Variants in ATXN7L1 observed in about 807,000 individuals in gnomAD.
ATXN7L1 encodes ataxin 7 like 1.
ATXN7L1 carries 15 observed loss-of-function variants against 70.8 expected under a neutral mutation model. The observed-to-expected ratio is 0.21, with a 90% CI of 0.14 to 0.33. The LOEUF (loss-of-function observed/expected upper bound fraction) is 0.33. Among genes scored for constraint, ATXN7L1 ranks in the 10% least tolerant of loss-of-function variants. ATXN7L1 has a pLI of 1.00. For synonymous variants in ATXN7L1, 440 were observed against 445.1 expected (o/e 0.99, Z 0.14); for missense variants, 975 against 1,097.1 (o/e 0.89, Z 1.57).
chr7:105,745,318 A>G (rs965493222), intron 3 of ATXN7L1, among the ~76,000 whole-genome samples: 14 of 152,296 alleles, frequency 9.2e-5, no homozygotes, highest in African/African-American at 3.4e-4. Context: ...ACTTTTCGGT[A>G]AGTTTGAAAT....
At chr7:105,795,993 A>C (rs933098975) in intron 2 of ATXN7L1, among the ~76,000 whole-genome samples, 1 of 152,200 alleles carries the variant, frequency 6.6e-6, no homozygotes, top group African/African-American at 2.4e-5. Context: ...TACTGTAATG[A>C]AAAAAATTGG....
intron 3 of ATXN7L1, among the ~76,000 whole-genome samples, chr7:105,673,203 C>G (rs1365693945): frequency 6.6e-6 from 1 of 152,208 alleles, no homozygotes; most frequent in Non-Finnish European, 1.5e-5. Context: ...TTCAGTGTTC[C>G]CTTCCCCATA....
chr7:105,853,186 G>A (rs756043612), intron 2 of ATXN7L1, among the ~76,000 whole-genome samples: 2 of 152,192 alleles, frequency 1.3e-5, no homozygotes, highest in African/African-American at 2.4e-5. Flanking sequence ...CCTTAGTAAC[G>A]CTGAATTATA....
At chr7:105,875,386 TGGA>T (rs570001863) in intron 2 of ATXN7L1, among the ~76,000 whole-genome samples, 57 of 152,092 alleles carry the variant, frequency 3.7e-4, no homozygotes, top group African/African-American at 1.3e-3. Context: ...CAGTGGTGAG[TGGA>T]GAAGTAGCTG....
At chr7:105,685,142 C>T (rs1277598561) in intron 3 of ATXN7L1, among the ~76,000 whole-genome samples, 1 of 151,934 alleles carries the variant, frequency 6.6e-6, no homozygotes, top group Non-Finnish European at 1.5e-5. Flanking sequence ...CACATACAGA[C>T]ATTAGAAAGC....
chr7:105,742,358 T>C (rs1253772821), intron 3 of ATXN7L1, among the ~76,000 whole-genome samples: 2 of 152,218 alleles, frequency 1.3e-5, no homozygotes, highest in African/African-American at 4.8e-5. Flanking sequence ...ATATGGACTC[T>C]CTCATCAGTA....
intron 3 of ATXN7L1, among the ~76,000 whole-genome samples, chr7:105,733,581 C>CCCAA (rs1796895447): frequency 5.0e-5 from 1 of 20,128 alleles, no homozygotes; most frequent in Non-Finnish European, 1.3e-4. Flanking sequence ...CATCCATCCA[C>CCCAA]CCATCCATCC....
chr7:105,639,374 GCTGGGGGTCATGTCGAGGTTCCA>G (rs1797849615), intron 6 of ATXN7L1, 90 bp downstream of exon 6: 1 of 762,558 alleles, frequency 1.3e-6, no homozygotes, highest in Non-Finnish European at 2.2e-6. Flanking sequence ...ACAAAGAACA[GCTGGGGGTCATGTCGAGGTTCCA>G]CACCCTGCCG....
chr7:105,665,848 G>C (rs1232283776), intron 3 of ATXN7L1, among the ~76,000 whole-genome samples: 1 of 152,230 alleles, frequency 6.6e-6, no homozygotes, highest in Non-Finnish European at 1.5e-5. Flanking sequence ...GCACACCCCT[G>C]CTATGGCCTC....
chr7:105,647,808 A>G (rs914982545), intron 4 of ATXN7L1, among the ~76,000 whole-genome samples: 1 of 151,872 alleles, frequency 6.6e-6, no homozygotes, highest in Non-Finnish European at 1.5e-5. Context: ...GTGCCAGTTG[A>G]CTCATCTCTT....
chr7:105,675,511 G>A (rs1276431833), intron 3 of ATXN7L1, among the ~76,000 whole-genome samples: 3 of 152,034 alleles, frequency 2.0e-5, no homozygotes, highest in Admixed American at 1.3e-4. Context: ...TGTAATCCCC[G>A]CTACTCGGGA....
intron 2 of ATXN7L1, among the ~76,000 whole-genome samples, chr7:105,797,076 C>T (rs775644886): frequency 1.3e-5 from 2 of 152,212 alleles, no homozygotes; most frequent in Admixed American, 6.5e-5. Context: ...CAAGCAGCAG[C>T]GGTGAGCTCT....
chr7:105,774,771 C>T (rs1389072056), intron 3 of ATXN7L1, among the ~76,000 whole-genome samples: 1 of 152,098 alleles, frequency 6.6e-6, no homozygotes, highest in Non-Finnish European at 1.5e-5. Flanking sequence ...AAGAAGATTA[C>T]ATATGGGGTG....
intron 2 of ATXN7L1, among the ~76,000 whole-genome samples, chr7:105,842,862 T>G (rs1054617591): frequency 1.3e-5 from 2 of 152,174 alleles, no homozygotes; most frequent in African/African-American, 4.8e-5. Context: ...ACTTGTAATT[T>G]TCCTTTCTAT....
Position 105,657,809 on chromosome 7 carries a change from T to C in ATXN7L1, c.578+7257A>G, listed in dbSNP as rs1320365761. Among the ~76,000 whole-genome samples the C allele has an allele frequency of 2.0e-5, 3 of 151,888 alleles. No homozygotes were observed. In the East Asian group the frequency reaches 5.8e-4, roughly 29 times the overall value. ...CATTTAAGCTGAGTTTGTTGAAATTTAAGAACGGATACTTGATTCAGTTAT... is the reference window on the plus strand; with the variant it reads ...CATTTAAGCTGAGTTTGTTGAAATTCAAGAACGGATACTTGATTCAGTTAT... On this transcript the variant is annotated intron_variant, in intron 4 of 11. Transcript: ENST00000419735.
chr7:105,804,875 T>C (rs768334030), intron 2 of ATXN7L1, among the ~76,000 whole-genome samples: 1 of 152,218 alleles, frequency 6.6e-6, no homozygotes, highest in Non-Finnish European at 1.5e-5. Context: ...TCAAGGCTGC[T>C]GGATCTTAAC....
intron 5 of ATXN7L1, among the ~76,000 whole-genome samples, chr7:105,641,748 C>T (rs982066401): frequency 6.6e-6 from 1 of 152,244 alleles, no homozygotes; most frequent in Admixed American, 6.5e-5. Flanking sequence ...GAGCACCAGG[C>T]TCTACCTTTC....
At chr7:105,671,129 A>C (rs1183937496) in intron 3 of ATXN7L1, among the ~76,000 whole-genome samples, 1 of 111,890 alleles carries the variant, frequency 8.9e-6, no homozygotes, top group African/African-American at 3.5e-5. Context: ...AAAAAAAAAA[A>C]AAAATTAGCC....
At chr7:105,781,301 C>T (rs969728639) in intron 3 of ATXN7L1, among the ~76,000 whole-genome samples, 12 of 152,192 alleles carry the variant, frequency 7.9e-5, no homozygotes, top group East Asian at 7.7e-4. Flanking sequence ...TCACCATAAA[C>T]GTTCACCCCA....
Sources: allele counts gnomAD v4.1 joint callset (sites outside exome capture counted in the v4.1 genomes callset), GRCh38; gene constraint gnomAD v4.1.1; transcripts MANE v1.5; gene names NCBI Gene and HGNC (gene_info 2026-07-23, HGNC 2026-07-21).